Variants in SEMA4B observed in about 807,000 individuals in gnomAD.
SEMA4B encodes the protein semaphorin-4B.
Under a neutral mutation model 88.1 loss-of-function variants are expected in SEMA4B, and 55 were observed. The observed-to-expected ratio is 0.62, with a 90% confidence interval of 0.50 to 0.78. The LOEUF (loss-of-function observed/expected upper bound fraction) is 0.78, where lower values mean the gene tolerates loss of function less well. Among genes scored for constraint, SEMA4B ranks in the 30% least tolerant of loss-of-function variants. The pLI, the probability that SEMA4B is intolerant of heterozygous loss-of-function variation, is 0.00. For synonymous variants in SEMA4B, 525 were observed against 473.6 expected (o/e 1.11, Z -1.41); for missense variants, 1,062 against 1,111.9 (o/e 0.96, Z 0.64).
At chr15:90,221,934 T>C (rs201711636) in intron 7 of SEMA4B, among the ~76,000 whole-genome samples, 169 bp downstream of exon 7, 5 of 26,816 alleles carry the variant, frequency 1.9e-4, no homozygotes, top group African/African-American at 1.4e-3. Context: ...TACTTTTTTC[T>C]TTTTTTTTTT....
chr15:90,219,756 G>A, intron 3 of SEMA4B, 37 bp from the exon 4 acceptor site: 2 of 1,550,502 alleles, frequency 1.3e-6, no homozygotes, highest in Non-Finnish European at 1.8e-6. Context: ...GGCATGCTTG[G>A]GCGTGGGACT....
At chr15:90,227,284 C>A in intron 12 of SEMA4B, 1 of 396,538 alleles carries the variant, frequency 2.5e-6, no homozygotes, top group Non-Finnish European at 4.5e-6. Flanking sequence ...TGGGCTCAAG[C>A]GATCTACCGG....
intron 1 of SEMA4B, among the ~76,000 whole-genome samples, chr15:90,213,678 G>T (rs1044056434): frequency 6.6e-6 from 1 of 152,214 alleles, no homozygotes; most frequent in East Asian, 1.9e-4. Context: ...TTCCAAGGGC[G>T]GTCTGCTGCC....
chr15:90,226,631 G>A (rs913724223), intron 12 of SEMA4B, among the ~76,000 whole-genome samples: 3 of 152,148 alleles, frequency 2.0e-5, no homozygotes, highest in South Asian at 4.1e-4. Flanking sequence ...ATGAGCCACC[G>A]CGTCTGGCCA....
intron 1 of SEMA4B, among the ~76,000 whole-genome samples, chr15:90,191,696 C>T (rs144837937): frequency 9.5e-4 from 144 of 152,272 alleles, no homozygotes; most frequent in African/African-American, 3.3e-3. Flanking sequence ...AGGCCGGTAG[C>T]GGGGAAAATG....
intron 1 of SEMA4B, among the ~76,000 whole-genome samples, chr15:90,210,394 G>A (rs1961206602): frequency 6.6e-6 from 1 of 152,134 alleles, no homozygotes; most frequent in Non-Finnish European, 1.5e-5. Flanking sequence ...GTGACCCAGG[G>A]GCTTGAACGG....
intron 1 of SEMA4B, among the ~76,000 whole-genome samples, chr15:90,186,601 CAA>C (rs1367451695): frequency 6.6e-6 from 1 of 151,570 alleles, no homozygotes; most frequent in Non-Finnish European, 1.5e-5. Flanking sequence ...GCCTGGACAA[CAA>C]GAGTGAAACT....
chr15:90,221,540 G>A (rs1193329826), intron 6 of SEMA4B, 60 bp downstream of exon 6: 3 of 1,607,686 alleles, frequency 1.9e-6, no homozygotes, highest in Non-Finnish European at 2.6e-6. Flanking sequence ...CCCTAGAAGG[G>A]GGCACTTTCC....
At chr15:90,201,815 C>T in intron 1 of SEMA4B, 80 bp downstream of exon 1, 3 of 1,317,578 alleles carry the variant, frequency 2.3e-6, no homozygotes, top group East Asian at 3.1e-5. Flanking sequence ...GTGGCCGTGA[C>T]AAAGGACCAA....
chr15:90,206,670 G>T, intron 1 of SEMA4B: 1 of 687,576 alleles, frequency 1.5e-6, no homozygotes, highest in Non-Finnish European at 2.6e-6. Flanking sequence ...CTAGCACATG[G>T]AATTCGCAAA....
chr15:90,223,636 C>T lies in SEMA4B; in HGVS notation c.939C>T (p.Pro313=), dbSNP rs377290681. The T allele has an allele frequency of 2.3e-5, 37 of 1,613,458 alleles. No homozygotes were observed. The highest frequency in any genetic ancestry group is 4.0e-5 in the African/African-American group (3 of 74,922). The change falls in exon 8 of 14, where the codon CCC becomes CCT. Residue 313 remains proline (P), a synonymous_variant. Coordinates refer to ENST00000411539, the MANE Select transcript of SEMA4B (RefSeq NM_198925.4). ...AGGCCCAGCTGCTGTGCTCACGGCC[C>T]GACGATGGCTTCCCCTTCAACGTGC... is the stretch of plus-strand genomic sequence containing the variant. ...FLKAQLLCSR[P]DDGFPFNVLQ...
chr15:90,196,677 C>T (rs934067910), upstream of SEMA4B, among the ~76,000 whole-genome samples: 11 of 151,794 alleles, frequency 7.2e-5, no homozygotes, highest in Admixed American at 3.3e-4. Flanking sequence ...TTAATAGAGA[C>T]GGGGTTTCAC....
At chr15:90,206,556 C>T (rs541211124) in intron 1 of SEMA4B, 47 of 489,976 alleles carry the variant, frequency 9.6e-5, no homozygotes, top group Middle Eastern at 6.4e-4. Flanking sequence ...CGGCTTCACC[C>T]GTAACCCACT....
rs1962004436 is a variant in SEMA4B at position 90,223,922 on chromosome 15, G to A, written c.1128G>A (p.Glu376=). 1 of 1,613,888 alleles carries A rather than the reference G, an allele frequency of 6.2e-7. No homozygotes were observed. The highest frequency in any genetic ancestry group is 8.5e-7 in the Non-Finnish European group (1 of 1,179,890). The part of the protein sequence containing the change: ...VQRVFSGLYK[E]VNRETQQWYT... ...GAGTCTTCAGCGGCCTCTACAAGGA[G>A]GTGAACCGTGAGACACAGCAGTGGT... The change falls in exon 9 of 14, where the codon GAG becomes GAA. Residue 376 remains glutamate (E), a synonymous_variant. Transcript: ENST00000411539.
chr15:90,213,620 G>C (rs1333171561), intron 1 of SEMA4B, among the ~76,000 whole-genome samples: 1 of 152,216 alleles, frequency 6.6e-6, no homozygotes, highest in East Asian at 1.9e-4. Flanking sequence ...GTTGCCACCT[G>C]GGACTGAGGC....
chr15:90,188,703 G>T (rs950385787), intron 1 of SEMA4B, among the ~76,000 whole-genome samples: 10 of 152,048 alleles, frequency 6.6e-5, no homozygotes, highest in Admixed American at 2.0e-4. Flanking sequence ...TTGAGACAGA[G>T]TCTCGCTCAC....
chr15:90,220,372 T>C (rs527313373), intron 4 of SEMA4B, among the ~76,000 whole-genome samples: 6 of 138,914 alleles, frequency 4.3e-5, no homozygotes, highest in African/African-American at 1.1e-4. Flanking sequence ...CTTTTCTTTT[T>C]TTTTTTTTTT....
At chr15:90,225,594 C>T (rs1337025809) in intron 11 of SEMA4B, 67 bp from the exon 12 acceptor site, 13 of 1,516,890 alleles carry the variant, frequency 8.6e-6, no homozygotes, top group African/African-American at 2.8e-5. Context: ...GCATACAAGC[C>T]GGGTGGCCAT....
At chr15:90,188,480 T>G (rs909368721) in intron 1 of SEMA4B, among the ~76,000 whole-genome samples, 2 of 147,446 alleles carry the variant, frequency 1.4e-5, no homozygotes, top group Non-Finnish European at 3.0e-5. Flanking sequence ...ATACAAAAAT[T>G]AGCCAGGCAT....
Sources: gnomAD v4.1 joint callset for allele counts (sites outside exome capture counted in the v4.1 genomes callset) on GRCh38, gnomAD v4.1.1 for gene constraint, MANE v1.5 for transcripts, NCBI Gene and HGNC (gene_info 2026-07-23, HGNC 2026-07-21) for gene names.